The following ECT2L variants were observed in gnomAD, a reference collection of about 807,000 sequenced individuals.
ECT2L encodes the protein epithelial cell-transforming sequence 2 oncogene-like.
In ECT2L, 126 loss-of-function variants were observed where a neutral mutation model predicts 122.8. That is an observed-to-expected ratio of 1.03 (90% CI 0.89 to 1.19). ECT2L has a LOEUF of 1.19. Among genes scored for constraint, ECT2L ranks in the 50% most tolerant of loss-of-function variants. The pLI is 0.00. For missense variants in ECT2L, 1,012 were observed against 1,064.1 expected (o/e 0.95, Z 0.68); for synonymous variants, 385 against 381.8 (o/e 1.01, Z -0.10).
At chr6:138,898,269 T>C (rs1779281651) in intron 20 of ECT2L, among the ~76,000 whole-genome samples, 1 of 152,182 alleles carries the variant, frequency 6.6e-6, no homozygotes, top group African/African-American at 2.4e-5. Flanking sequence ...AGAAATATTT[T>C]TTGCAAGGTA....
At chr6:138,837,094 G>A (rs1344076427) in intron 4 of ECT2L, among the ~76,000 whole-genome samples, 1 of 151,994 alleles carries the variant, frequency 6.6e-6, no homozygotes, top group Non-Finnish European at 1.5e-5. Context: ...TGAAATATAT[G>A]TACACACGTG....
chr6:138,856,263 G>A (rs1440939220), intron 10 of ECT2L, among the ~76,000 whole-genome samples: 1 of 149,206 alleles, frequency 6.7e-6, no homozygotes. Context: ...CGCCCAGACT[G>A]GAGTGCAGTG....
intron 20 of ECT2L, among the ~76,000 whole-genome samples, chr6:138,892,391 T>C (rs1336446426): frequency 6.6e-6 from 1 of 152,246 alleles, no homozygotes; most frequent in African/African-American, 2.4e-5. Flanking sequence ...ATATTAATCA[T>C]ATTTAAGTTT....
chr6:138,800,325 C>G (rs1420716120), intron 1 of ECT2L, among the ~76,000 whole-genome samples: 2 of 152,104 alleles, frequency 1.3e-5, no homozygotes, highest in Admixed American at 1.3e-4. Context: ...CTTCATGGCA[C>G]AGTATTTTAG....
chr6:138,825,358 T>A (rs939543847), intron 4 of ECT2L, among the ~76,000 whole-genome samples: 1 of 152,114 alleles, frequency 6.6e-6, no homozygotes, highest in African/African-American at 2.4e-5. Flanking sequence ...GGCGGGTGGA[T>A]CACTTGAGGT....
chr6:138,797,424 G>A (rs775156330), intron 1 of ECT2L, among the ~76,000 whole-genome samples: 3 of 152,096 alleles, frequency 2.0e-5, no homozygotes, highest in Non-Finnish European at 4.4e-5. Flanking sequence ...TACCTCTGCC[G>A]AGGAGCAGTG....
intron 14 of ECT2L, among the ~76,000 whole-genome samples, chr6:138,876,787 G>A (rs1778468462): frequency 6.6e-6 from 1 of 152,088 alleles, no homozygotes; most frequent in Non-Finnish European, 1.5e-5. Flanking sequence ...ACATCTTGGA[G>A]CAAAACCAAT....
chr6:138,850,158 G>A (rs74641503), intron 9 of ECT2L, among the ~76,000 whole-genome samples: 1,485 of 148,300 alleles, frequency 0.01, 28 homozygotes, highest in African/African-American at 0.034. Context: ...TTCTTTTTTC[G>A]AGACAGAGTC....
intron 11 of ECT2L, among the ~76,000 whole-genome samples, chr6:138,864,407 C>T (rs1777953410): frequency 6.6e-6 from 1 of 152,190 alleles, no homozygotes; most frequent in East Asian, 1.9e-4. Context: ...TGTATCCATT[C>T]AGGACAGAAA....
intron 20 of ECT2L, among the ~76,000 whole-genome samples, chr6:138,900,572 A>G (rs1779364792): frequency 6.6e-6 from 1 of 152,204 alleles, no homozygotes; most frequent in South Asian, 2.1e-4. Context: ...GAAACAAAAC[A>G]AAGACTTATT....
At position 138,884,937 on chromosome 6, in the gene ECT2L, A is replaced by G. The variant is rs1006679880; in HGVS notation, c.2029-569A>G. Among the ~76,000 whole-genome samples, 5 of 151,300 alleles carry G rather than the reference A, an allele frequency of 3.3e-5. No individual in the cohort carries two copies. In the East Asian group the frequency reaches 9.8e-4, roughly 30 times the overall value. On this transcript the variant is annotated intron_variant, in intron 16 of 21. Coordinates refer to ENST00000541398, the MANE Select transcript of ECT2L (RefSeq NM_001077706.3). ...TTTATTCTAATTCAAATCCAGGCCC[A>G]CCTGGTTGCAAAGTACATTCTTATT...
At chr6:138,855,196 A>G (rs2128395761) in intron 10 of ECT2L, among the ~76,000 whole-genome samples, 1 of 151,974 alleles carries the variant, frequency 6.6e-6, no homozygotes, top group South Asian at 2.1e-4. Flanking sequence ...ATATATATTT[A>G]TTAAATCTCA....
At chr6:138,882,109 A>G (rs1266354649) in intron 15 of ECT2L, among the ~76,000 whole-genome samples, 2 of 152,336 alleles carry the variant, frequency 1.3e-5, no homozygotes, top group East Asian at 3.9e-4. Flanking sequence ...TAATAACAAC[A>G]TATTTTCAAG....
chr6:138,884,157 T>C (rs1010577242), intron 16 of ECT2L, among the ~76,000 whole-genome samples: 1 of 151,622 alleles, frequency 6.6e-6, no homozygotes, highest in South Asian at 2.1e-4. Flanking sequence ...TGGGCCACCA[T>C]GCCAGCCAAT....
chr6:138,902,759 T>C lies in ECT2L; in HGVS notation c.*132T>C, dbSNP rs1434039530. On this transcript the variant is annotated 3_prime_UTR_variant, in exon 22 of 22. Coordinates refer to ENST00000541398, the MANE Select transcript of ECT2L (RefSeq NM_001077706.3). ...TGATGAGATAAACTAAGATGACCCA[T>C]AGGATCTTTCCAACTTTTAAACTTT... is the stretch of plus-strand genomic sequence containing the variant. 1.2e-5 allele frequency: 13 copies of C among 1,113,018 alleles called. No homozygotes were observed. In the Admixed American group the frequency reaches 1.3e-4, roughly 11 times the overall value. 68.9% of individuals were successfully genotyped at this position (1,113,018 alleles called of 1,614,324 possible).
intron 20 of ECT2L, among the ~76,000 whole-genome samples, chr6:138,895,369 G>A (rs1266272896): frequency 6.6e-6 from 1 of 152,056 alleles, no homozygotes; most frequent in Non-Finnish European, 1.5e-5. Context: ...GAGGCAGGTA[G>A]GACAGGAACC....
intron 10 of ECT2L, among the ~76,000 whole-genome samples, chr6:138,857,181 T>G (rs1181655065): frequency 6.6e-6 from 1 of 152,174 alleles, no homozygotes; most frequent in Non-Finnish European, 1.5e-5. Flanking sequence ...ATTGGATTGT[T>G]TCTATCAAAT....
At chr6:138,855,906 T>A (rs1478753166) in intron 10 of ECT2L, among the ~76,000 whole-genome samples, 2 of 152,126 alleles carry the variant, frequency 1.3e-5, no homozygotes, top group African/African-American at 4.8e-5. Flanking sequence ...AAAGGCAGAG[T>A]AAGAATAAAG....
intron 11 of ECT2L, among the ~76,000 whole-genome samples, chr6:138,864,588 T>C (rs1777960678): frequency 6.6e-6 from 1 of 152,218 alleles, no homozygotes; most frequent in Non-Finnish European, 1.5e-5. Context: ...CCATTGGCGA[T>C]GACAGGGTTG....
Sources: allele counts gnomAD v4.1 joint callset (sites outside exome capture counted in the v4.1 genomes callset), GRCh38; gene constraint gnomAD v4.1.1; transcripts MANE v1.5; gene names NCBI Gene and HGNC (gene_info 2026-07-23, HGNC 2026-07-21).